The following SLC14A2 variants were observed in gnomAD, a reference collection of about 807,000 sequenced individuals.
SLC14A2 encodes urea transporter 2.
SLC14A2 carries 91 observed loss-of-function variants against 104.6 expected under a neutral mutation model. That is an observed-to-expected ratio of 0.87 (90% CI 0.73 to 1.04). The LOEUF (loss-of-function observed/expected upper bound fraction) is 1.04. Ranked by LOEUF, SLC14A2 falls within the 50% of genes least tolerant of loss-of-function variation. SLC14A2 has a pLI of 0.00. For synonymous variants in SLC14A2, 476 were observed against 466.4 expected (o/e 1.02, Z -0.27); for missense variants, 1,189 against 1,156.0 (o/e 1.03, Z -0.41).
chr18:45,502,262 T>G (rs1383942253), intron 2 of SLC14A2, among the ~76,000 whole-genome samples: 1 of 152,246 alleles, frequency 6.6e-6, no homozygotes, highest in Non-Finnish European at 1.5e-5. Context: ...GGGGGAAATC[T>G]TTGAGAAACT....
intron 1 of SLC14A2, among the ~76,000 whole-genome samples, chr18:45,317,916 G>C (rs1470665050): frequency 6.6e-6 from 1 of 152,066 alleles, no homozygotes; most frequent in Non-Finnish European, 1.5e-5. Flanking sequence ...TGGATGATGA[G>C]GCTCATGCTT....
chr18:45,393,876 C>G (rs1486336675), intron 1 of SLC14A2, among the ~76,000 whole-genome samples: 1 of 152,206 alleles, frequency 6.6e-6, no homozygotes, highest in Non-Finnish European at 1.5e-5. Flanking sequence ...CCAAATCCCT[C>G]TATGGTATCA....
At chr18:45,258,017 A>G (rs1240046480) in intron 1 of SLC14A2, among the ~76,000 whole-genome samples, 1 of 152,184 alleles carries the variant, frequency 6.6e-6, no homozygotes, top group African/African-American at 2.4e-5. Context: ...ATGAGCATTT[A>G]CTGAGCACTT....
chr18:45,392,285 ACTGTGTAT>A (rs2085978799), intron 1 of SLC14A2, among the ~76,000 whole-genome samples: 1 of 152,118 alleles, frequency 6.6e-6, no homozygotes, highest in Admixed American at 6.5e-5. Flanking sequence ...CTGGTTTTGT[ACTGTGTAT>A]CTAAGGGTTT....
intron 1 of SLC14A2, among the ~76,000 whole-genome samples, chr18:45,240,471 G>A (rs959906596): frequency 2.0e-5 from 3 of 151,764 alleles, no homozygotes; most frequent in African/African-American, 7.3e-5. Context: ...TGGATTACAT[G>A]GTAATTCTAT....
At chr18:45,533,247 T>C (rs1403258595) in intron 2 of SLC14A2, among the ~76,000 whole-genome samples, 2 of 152,208 alleles carry the variant, frequency 1.3e-5, no homozygotes, top group East Asian at 3.8e-4. Context: ...CTTTTTCTAT[T>C]GATTGGAGTA....
intron 3 of SLC14A2, 138 bp from the exon 4 acceptor site, chr18:45,626,820 A>ACCC: frequency 5.4e-6 from 1 of 185,470 alleles, no homozygotes; most frequent in Non-Finnish European, 1.1e-5. Context: ...CCACCCCTCC[A>ACCC]CCCCGACCCC....
At chr18:45,599,684 G>A (rs935924604) in intron 2 of SLC14A2, among the ~76,000 whole-genome samples, 2 of 152,200 alleles carry the variant, frequency 1.3e-5, no homozygotes, top group African/African-American at 4.8e-5. Context: ...ACTGTTCCGA[G>A]CCTGTATTAG....
intron 2 of SLC14A2, among the ~76,000 whole-genome samples, chr18:45,570,794 T>C (rs559603890): frequency 2.0e-5 from 3 of 152,356 alleles, no homozygotes; most frequent in African/African-American, 7.2e-5. Flanking sequence ...GTAAATAATG[T>C]TTCCTTATTT....
At chr18:45,523,136 A>T (rs72902321) in intron 2 of SLC14A2, among the ~76,000 whole-genome samples, 15,488 of 152,112 alleles carry the variant, frequency 0.1, 856 homozygotes, top group Non-Finnish European at 0.12. Context: ...ATTGTAGTTT[A>T]CACTCAATTT....
chr18:45,314,176 C>T (rs989659914), intron 1 of SLC14A2, among the ~76,000 whole-genome samples: 28 of 152,244 alleles, frequency 1.8e-4, no homozygotes, highest in African/African-American at 6.7e-4. Context: ...ATCTTCTTGC[C>T]CTTGATCATG....
chr18:45,405,858 C>T (rs1224842183), intron 1 of SLC14A2, among the ~76,000 whole-genome samples: 4 of 148,150 alleles, frequency 2.7e-5, no homozygotes, highest in Admixed American at 6.8e-5. Context: ...GAAATCTCGC[C>T]ACTGCACTCC....
intron 1 of SLC14A2, among the ~76,000 whole-genome samples, chr18:45,304,871 A>G (rs1218426488): frequency 6.6e-6 from 1 of 152,224 alleles, no homozygotes; most frequent in African/African-American, 2.4e-5. Context: ...TCCCTGTTTC[A>G]TTGAGGAATG....
intron 2 of SLC14A2, among the ~76,000 whole-genome samples, chr18:45,594,246 A>T (rs2044692170): frequency 6.6e-6 from 1 of 152,240 alleles, no homozygotes; most frequent in African/African-American, 2.4e-5. Context: ...GACCACAAGC[A>T]CGCAGTACCA....
At chr18:45,201,799 G>A in the SLC14A2 span, among the ~76,000 whole-genome samples, 13 of 152,028 alleles carry the variant, frequency 8.6e-5, no homozygotes, top group African/African-American at 2.2e-4. Flanking sequence ...TCTCCTGTCA[G>A]TTTCACAGGA....
chr18:45,244,980 G>A (rs1180030545), intron 1 of SLC14A2, among the ~76,000 whole-genome samples: 1 of 152,204 alleles, frequency 6.6e-6, no homozygotes, highest in Non-Finnish European at 1.5e-5. Flanking sequence ...AGTGGAAGGT[G>A]GTGATTCTGT....
intron 1 of SLC14A2, among the ~76,000 whole-genome samples, chr18:45,379,903 G>T (rs1160904452): frequency 4.6e-5 from 7 of 152,148 alleles, no homozygotes; most frequent in Admixed American, 3.9e-4. Context: ...AGTAGCTAAG[G>T]AACACTATGT....
intron 1 of SLC14A2, among the ~76,000 whole-genome samples, chr18:45,223,147 A>G (rs896625982): frequency 2.0e-5 from 3 of 152,176 alleles, no homozygotes; most frequent in Non-Finnish European, 4.4e-5. Flanking sequence ...TATTATCTCA[A>G]ATGAGGAGAA....
intron 1 of SLC14A2, among the ~76,000 whole-genome samples, chr18:45,362,631 G>A (rs1225388010): frequency 6.6e-6 from 1 of 152,138 alleles, no homozygotes; most frequent in Non-Finnish European, 1.5e-5. Context: ...ATCACACTAA[G>A]AGAAACCAGG....
Sources: allele counts gnomAD v4.1 joint callset (sites outside exome capture counted in the v4.1 genomes callset), GRCh38; gene constraint gnomAD v4.1.1; transcripts MANE v1.5; gene names NCBI Gene and HGNC (gene_info 2026-07-23, HGNC 2026-07-21).